Variants in RAB38 observed in about 807,000 individuals in gnomAD.
RAB38 encodes the protein RAB38, member RAS oncogene family, also known as ras-related protein Rab-38.
RAB38 carries 15 observed loss-of-function variants against 18.4 expected under a neutral mutation model. The observed-to-expected ratio is 0.82, with a 90% confidence interval of 0.55 to 1.26. The LOEUF (loss-of-function observed/expected upper bound fraction) is 1.26, where lower values mean the gene tolerates loss of function less well. Ranked by LOEUF, RAB38 falls within the 50% of genes most tolerant of loss-of-function variation. RAB38 has a pLI of 0.00. For synonymous variants in RAB38, 101 were observed against 104.4 expected, an observed-to-expected ratio of 0.97 and a Z score of 0.20; for missense variants, 294 against 267.4, an observed-to-expected ratio of 1.10 and a Z score of -0.69.
chr11:88,084,052 GA>G, the RAB38 span, among the ~76,000 whole-genome samples: 1 of 151,868 alleles, frequency 6.6e-6, no homozygotes, highest in Non-Finnish European at 1.5e-5. Flanking sequence ...TATTGAATAA[GA>G]ATATTAAATG....
chr11:88,037,512 A>C, the RAB38 span, among the ~76,000 whole-genome samples: 1 of 152,132 alleles, frequency 6.6e-6, no homozygotes, highest in African/African-American at 2.4e-5. Context: ...TTTTATAAAC[A>C]CATCATAATC....
chr11:87,893,390 A>ATATTTTTTTTTT, the RAB38 span, among the ~76,000 whole-genome samples: 5 of 93,888 alleles, frequency 5.3e-5, no homozygotes, highest in Non-Finnish European at 8.3e-5. Context: ...ATATATATAT[A>ATATTTTTTTTTT]TTTTTTTTTT....
In RAB38 at chr11:88,175,291, G is replaced by A; in HGVS notation, c.94C>T (p.Gln32Ter). The change falls in exon 1 of 3, where the codon CAG (glutamine) becomes TAG (stop). Residue 32 changes from glutamine to a stop codon, truncating the protein, a stop_gained. Transcript: ENST00000243662. LOFTEE classifies it high-confidence loss of function. ...GCCCGGTAGTGCGAAGAGAAGTTCTGGTGCACGTAGCGCTTGATGATACTG... is the reference window on the plus strand; with the variant it reads ...GCCCGGTAGTGCGAAGAGAAGTTCTAGTGCACGTAGCGCTTGATGATACTG... ...KTSIIKRYVH[Q>*]NFSSHYRATI... 6.2e-7 allele frequency: 1 copy of A among 1,614,204 alleles called. No individual in the cohort carries two copies. Among genetic ancestry groups the A allele is most frequent in the Non-Finnish European group, 8.5e-7 (1 of 1,180,026 alleles).
chr11:88,043,875 G>T, the RAB38 span, among the ~76,000 whole-genome samples: 4 of 152,276 alleles, frequency 2.6e-5, no homozygotes, highest in Middle Eastern at 3.4e-3. Flanking sequence ...TCTTTGCTCT[G>T]AGAGAAAGAT....
chr11:87,812,009 G>T, the RAB38 span, among the ~76,000 whole-genome samples: 2 of 152,242 alleles, frequency 1.3e-5, no homozygotes, highest in African/African-American at 4.8e-5. Flanking sequence ...TGGAAATTCA[G>T]ATCAATCTGG....
intron 2 of RAB38, among the ~76,000 whole-genome samples, chr11:88,140,446 T>C (rs12793884): frequency 7.2e-4 from 109 of 152,348 alleles, no homozygotes; most frequent in South Asian, 2.3e-3. Context: ...AATATTCTTT[T>C]CCATCCAATA....
chr11:88,082,918 T>A, the RAB38 span, among the ~76,000 whole-genome samples: 1 of 151,888 alleles, frequency 6.6e-6, no homozygotes, highest in Non-Finnish European at 1.5e-5. Flanking sequence ...AAATCTAGGG[T>A]CCTACAATAG....
At chr11:87,922,312 G>C in the RAB38 span, among the ~76,000 whole-genome samples, 8 of 151,914 alleles carry the variant, frequency 5.3e-5, no homozygotes, top group Middle Eastern at 3.2e-3. Context: ...ATTATTTCTG[G>C]ACCATCTTTA....
chr11:87,813,762 C>A, the RAB38 span, among the ~76,000 whole-genome samples: 1 of 151,880 alleles, frequency 6.6e-6, no homozygotes, highest in Non-Finnish European at 1.5e-5. Flanking sequence ...CTTAAACACT[C>A]TTTATGCCAA....
chr11:88,149,622 A>C, intron 2 of RAB38, 53 bp downstream of exon 2: 1 of 1,537,964 alleles, frequency 6.5e-7, no homozygotes, highest in Non-Finnish European at 8.8e-7. Flanking sequence ...ATTATGTGCC[A>C]TTTTCTTTGT....
intron 2 of RAB38, among the ~76,000 whole-genome samples, chr11:88,128,024 G>A (rs1013407672): frequency 1.3e-5 from 2 of 152,192 alleles, no homozygotes; most frequent in Admixed American, 6.5e-5. Flanking sequence ...AAAAGGGAAA[G>A]AAAAATGAGC....
the RAB38 span, among the ~76,000 whole-genome samples, chr11:87,917,362 C>A: frequency 3.3e-5 from 5 of 151,930 alleles, no homozygotes; most frequent in Non-Finnish European, 7.4e-5. Context: ...AGGTGGAGAA[C>A]AGGAAAATGT....
At chr11:87,852,902 A>T in the RAB38 span, among the ~76,000 whole-genome samples, 1 of 152,162 alleles carries the variant, frequency 6.6e-6, no homozygotes, top group African/African-American at 2.4e-5. Context: ...TTTTGTCTAA[A>T]ATCTTGACAC....
At chr11:87,860,016 C>A in the RAB38 span, among the ~76,000 whole-genome samples, 2 of 151,972 alleles carry the variant, frequency 1.3e-5, no homozygotes, top group African/African-American at 2.4e-5. Flanking sequence ...GTGGCATCAG[C>A]CTAAAGCTCA....
chr11:87,919,397 G>A, the RAB38 span, among the ~76,000 whole-genome samples: 50 of 151,744 alleles, frequency 3.3e-4, no homozygotes, highest in African/African-American at 1.1e-3. Context: ...TGTGATATAT[G>A]GAATTTATTG....
the RAB38 span, among the ~76,000 whole-genome samples, chr11:87,892,091 A>G: frequency 1.2e-4 from 18 of 151,972 alleles, no homozygotes; most frequent in African/African-American, 4.3e-4. Flanking sequence ...AAGGAAAAGC[A>G]GTAGAAATGG....
the RAB38 span, among the ~76,000 whole-genome samples, chr11:87,844,962 C>A: frequency 2.1e-3 from 323 of 152,272 alleles, 3 homozygotes; most frequent in Non-Finnish European, 3.4e-3. Flanking sequence ...AAAATCAGAT[C>A]TGAATTACCT....
At chr11:87,826,775 C>A in the RAB38 span, among the ~76,000 whole-genome samples, 1 of 152,112 alleles carries the variant, frequency 6.6e-6, no homozygotes, top group South Asian at 2.1e-4. Flanking sequence ...TTAAATACCA[C>A]AACCACCAGG....
At chr11:87,924,501 T>C in the RAB38 span, among the ~76,000 whole-genome samples, 1 of 150,352 alleles carries the variant, frequency 6.7e-6, no homozygotes, top group African/African-American at 2.5e-5. Context: ...TTCTGTTGAG[T>C]AAATTTTTGA....
Sources: allele counts gnomAD v4.1 joint callset (sites outside exome capture counted in the v4.1 genomes callset), GRCh38; gene constraint gnomAD v4.1.1; transcripts MANE v1.5; gene names NCBI Gene and HGNC (gene_info 2026-07-23, HGNC 2026-07-21).